ADCY9: variants seen among roughly 807,000 people sequenced by gnomAD.
ADCY9 encodes the protein adenylate cyclase 9.
Under a neutral mutation model 101.5 loss-of-function variants are expected in ADCY9, and 50 were observed. The ratio of observed to expected loss-of-function variants is 0.49; its 90% CI spans 0.39 to 0.62. The LOEUF (loss-of-function observed/expected upper bound fraction) is 0.62. Among genes scored for constraint, ADCY9 ranks in the 20% least tolerant of loss-of-function variants. The pLI, the probability that ADCY9 is intolerant of heterozygous loss-of-function variation, is 0.00. For synonymous variants in ADCY9, 905 were observed against 769.3 expected (o/e 1.18, Z -2.92); for missense variants, 1,662 against 1,800.4 (o/e 0.92, Z 1.39).
At chr16:4,080,186 A>G (rs1457936536) in intron 2 of ADCY9, among the ~76,000 whole-genome samples, 1 of 152,186 alleles carries the variant, frequency 6.6e-6, no homozygotes, top group Non-Finnish European at 1.5e-5. Context: ...AATTTTAACA[A>G]AGAAAAAAAT....
chr16:3,980,309 T>C (rs1187903934), intron 7 of ADCY9, among the ~76,000 whole-genome samples: 1 of 152,144 alleles, frequency 6.6e-6, no homozygotes, highest in African/African-American at 2.4e-5. Flanking sequence ...AAGAAGCAGC[T>C]GAGTGTGCGG....
chr16:4,102,583 G>A (rs918537562), intron 2 of ADCY9, among the ~76,000 whole-genome samples: 3 of 152,148 alleles, frequency 2.0e-5, no homozygotes, highest in African/African-American at 7.2e-5. Context: ...GTGCCACCAT[G>A]CCTGGCTAAT....
intron 2 of ADCY9, among the ~76,000 whole-genome samples, chr16:4,046,675 C>T (rs766454780): frequency 1.5e-4 from 23 of 152,094 alleles, no homozygotes; most frequent in Non-Finnish European, 2.9e-5. Flanking sequence ...ACTCAATAAT[C>T]TAAGCTACTA....
At chr16:4,100,743 C>CAA (rs35359235) in intron 2 of ADCY9, among the ~76,000 whole-genome samples, 46,097 of 114,522 alleles carry the variant, frequency 0.4, 8,860 homozygotes, top group East Asian at 0.56. Flanking sequence ...ACTCTTGTCT[C>CAA]AAAAAAAAAA....
intron 3 of ADCY9, among the ~76,000 whole-genome samples, chr16:3,997,330 C>T (rs781276733): frequency 6.6e-6 from 1 of 152,254 alleles, no homozygotes; most frequent in Non-Finnish European, 1.5e-5. Context: ...TCCATGCCCT[C>T]CACAAGGGCT....
chr16:3,961,559 C>T (rs552644317), downstream of ADCY9, among the ~76,000 whole-genome samples: 20 of 152,230 alleles, frequency 1.3e-4, no homozygotes, highest in African/African-American at 4.1e-4. Context: ...AGTGGCGACT[C>T]GGGAGGAGAG....
chr16:4,017,896 G>C (rs1201989134), intron 2 of ADCY9, among the ~76,000 whole-genome samples: 2 of 152,120 alleles, frequency 1.3e-5, no homozygotes, highest in African/African-American at 4.8e-5. Context: ...TGTCTTCTTC[G>C]AGCACAAACA....
chr16:4,098,325 C>G (rs1016920048), intron 2 of ADCY9, among the ~76,000 whole-genome samples: 1 of 151,982 alleles, frequency 6.6e-6, no homozygotes, highest in African/African-American at 2.4e-5. Context: ...CCTCTGCCTC[C>G]CGGGTTCAAG....
In ADCY9 at chr16:3,983,372, C is replaced by T. The variant is rs78611707; in HGVS notation, c.2379G>A (p.Leu793=). 6.2e-7 allele frequency: 1 copy of T among 1,606,728 alleles called. No individual in the cohort carries two copies. The highest frequency in any genetic ancestry group is 8.5e-7 in the Non-Finnish European group (1 of 1,176,346). ...PTFSSLLDVF[L]STTVFLTLST... ...ACAGCGTCAGAAACACTGTGGTCGA[C>T]AGAAACACATCCAGGAGGGAGCTGA... is the stretch of plus-strand genomic sequence containing the variant. The change falls in exon 7 of 11, where the codon CTG becomes CTA. Residue 793 remains leucine (L), a synonymous_variant. Transcript: ENST00000294016.
At chr16:4,106,374 T>C (rs910593171) in intron 2 of ADCY9, among the ~76,000 whole-genome samples, 1 of 152,146 alleles carries the variant, frequency 6.6e-6, no homozygotes, top group Non-Finnish European at 1.5e-5. Context: ...ATCCACCCTC[T>C]GATGCAGCCC....
At chr16:4,027,267 C>T (rs1369349932) in intron 2 of ADCY9, among the ~76,000 whole-genome samples, 6 of 152,190 alleles carry the variant, frequency 3.9e-5, no homozygotes, top group Admixed American at 1.3e-4. Context: ...TTCGTTTTCT[C>T]GTTGCTTTCT....
rs151019592 is a variant in ADCY9, at chr16:3,966,634, C to T, written c.3203G>A (p.Ser1068Asn). ...CTCGTAGTTCTCCTCGTAGAACTCG[C>T]TGAAGTTGACGATGCTGGCGAAGAT... The part of the protein sequence containing the change: ...GVIFASIVNF[S>N]EFYEENYEGG... The change falls in exon 11 of 11, where the codon AGC becomes AAC. Residue 1068 changes from serine (S) to asparagine (N), a missense_variant. Transcript: ENST00000294016. The T allele has an allele frequency of 5.0e-6, 8 of 1,614,174 alleles. No homozygotes were observed. The highest frequency in any genetic ancestry group is 5.9e-6 in the Non-Finnish European group (7 of 1,180,040).
At chr16:4,100,356 G>A (rs1027869943) in intron 2 of ADCY9, among the ~76,000 whole-genome samples, 25 of 151,970 alleles carry the variant, frequency 1.6e-4, no homozygotes, top group Non-Finnish European at 2.4e-4. Flanking sequence ...CTGAGATGGG[G>A]TCTCACTCTG....
At chr16:4,032,729 T>G (rs1174593224) in intron 2 of ADCY9, 1 of 152,290 alleles carries the variant, frequency 6.6e-6, no homozygotes, top group Non-Finnish European at 1.5e-5. Flanking sequence ...CAGGCTGGTC[T>G]TGAACTCCTG....
intron 6 of ADCY9, among the ~76,000 whole-genome samples, chr16:3,986,066 C>T (rs2601807): frequency 0.19 from 29,162 of 152,202 alleles, 3,478 homozygotes; most frequent in East Asian, 0.43. Context: ...CCAGGGCCTC[C>T]GGGTGCGGCC....
At chr16:4,045,581 C>G (rs1210045522) in intron 2 of ADCY9, among the ~76,000 whole-genome samples, 1 of 100,036 alleles carries the variant, frequency 1.0e-5, no homozygotes, top group Non-Finnish European at 1.8e-5. Context: ...GGCAACAGAG[C>G]AAGACTCTGC....
chr16:4,025,556 T>C (rs1262907019), intron 2 of ADCY9, among the ~76,000 whole-genome samples: 1 of 152,032 alleles, frequency 6.6e-6, no homozygotes. Context: ...TGCGAGTGTG[T>C]GCAAGGTGGA....
intron 5 of ADCY9, among the ~76,000 whole-genome samples, chr16:3,990,640 A>G (rs997797900): frequency 6.6e-6 from 1 of 152,176 alleles, no homozygotes; most frequent in African/African-American, 2.4e-5. Flanking sequence ...GAAGAGAAAT[A>G]ATTCTGTCCC....
chr16:3,955,081 G>A (rs1386983957), intron 5 of ADCY9, among the ~76,000 whole-genome samples: 2 of 152,138 alleles, frequency 1.3e-5, no homozygotes, highest in Admixed American at 1.3e-4. Context: ...GGCTGTGTAA[G>A]AAAAGTAAAT....
Sources: gnomAD v4.1 joint callset for allele counts (sites outside exome capture counted in the v4.1 genomes callset) on GRCh38, gnomAD v4.1.1 for gene constraint, MANE v1.5 for transcripts, NCBI Gene and HGNC (gene_info 2026-07-23, HGNC 2026-07-21) for gene names.